Variants in OR1D2 observed in about 807,000 individuals in gnomAD.
OR1D2 encodes the protein olfactory receptor family 1 subfamily D member 2, also known as olfactory receptor 1D2.
For synonymous variants in OR1D2, 157 were observed against 153.9 expected (o/e 1.02, Z -0.15); for missense variants, 357 against 376.1 (o/e 0.95, Z 0.42).
At chr17:3,101,542 G>A (rs1263840316) in intron 1 of OR1D2, among the ~76,000 whole-genome samples, 1 of 152,090 alleles carries the variant, frequency 6.6e-6, no homozygotes, top group East Asian at 1.9e-4. Context: ...AGCTATTTAT[G>A]ACAAACCCAC....
In OR1D2 at chr17:3,090,787, TACTG is replaced by T. The variant is rs1219378440; in HGVS notation, c.*1267_*1270del. The T allele has an allele frequency of 6.6e-6, 1 of 151,944 alleles. No homozygotes were observed. Among genetic ancestry groups the T allele is most frequent in the Non-Finnish European group, 1.5e-5 (1 of 68,036 alleles). The allele number at this position is 151,944 out of a possible 1,614,324, so 9.4% of individuals were successfully genotyped here. A position where few individuals can be genotyped will look rare whatever the true frequency, so the allele number is the denominator to read the frequency against. Reference sequence around the variant, plus strand: ...AAGGCCCCAGTTGTTAAAATACACATACTGACTATTAAGAGCTCCCAACCATTTT... The same window carrying T: ...AAGGCCCCAGTTGTTAAAATACACATACTATTAAGAGCTCCCAACCATTTT... On this transcript the variant is annotated 3_prime_UTR_variant, in exon 2 of 2. Coordinates refer to ENST00000641833, the MANE Select transcript of OR1D2 (RefSeq NM_002548.3).
At chr17:3,098,589 C>T (rs1242418205) in intron 1 of OR1D2, among the ~76,000 whole-genome samples, 1 of 152,132 alleles carries the variant, frequency 6.6e-6, no homozygotes. Context: ...ACAACAAATG[C>T]TGAAAACACA....
chr17:3,103,534 G>A (rs1469244301), intron 1 of OR1D2, among the ~76,000 whole-genome samples: 1 of 152,190 alleles, frequency 6.6e-6, no homozygotes, highest in Non-Finnish European at 1.5e-5. Flanking sequence ...AAGTCCTGAA[G>A]TCTCTCTTGA....
intron 1 of OR1D2, among the ~76,000 whole-genome samples, chr17:3,099,947 T>C (rs2047867355): frequency 1.3e-5 from 2 of 152,144 alleles, no homozygotes; most frequent in Admixed American, 6.5e-5. Context: ...CATTACATAA[T>C]GGTATAGAGA....
In OR1D2 at chr17:3,092,506, G is replaced by T. The variant is rs757500317; in HGVS notation, c.491C>A (p.Thr164Asn). Reference sequence around the variant, plus strand: ...TCGTGACCCACAGAAGGTCACTCTGGTCATGAGGAGGGTGTGTATGAGGCC... The same window carrying T: ...TCGTGACCCACAGAAGGTCACTCTGTTCATGAGGAGGGTGTGTATGAGGCC... Reference protein sequence around the residue: ...LYGLIHTLLMTRVTFCGSRKI... With the variant: ...LYGLIHTLLMNRVTFCGSRKI... Residue 164 changes from threonine (T) to asparagine (N), a missense_variant, in exon 2 of 2, where the codon ACC becomes AAC. Physicochemically the swap from Thr to Asn is moderately conservative, Grantham distance 65. Transcript: ENST00000641833. 2.5e-6 allele frequency: 4 copies of T among 1,614,134 alleles called. No homozygotes were observed. The Middle Eastern group carries it at 5.0e-4, about 200-fold the overall frequency.
At chr17:3,099,385 GA>G (rs777051603) in intron 1 of OR1D2, among the ~76,000 whole-genome samples, 6 of 152,028 alleles carry the variant, frequency 3.9e-5, no homozygotes, top group Non-Finnish European at 7.4e-5. Context: ...CATTCTGAAA[GA>G]AAAAAATTTT....
chr17:3,091,461 T>G lies in OR1D2; in HGVS notation c.*597A>C, dbSNP rs562968110. 2 of 152,664 alleles carry G rather than the reference T, an allele frequency of 1.3e-5. No homozygotes were observed. The highest frequency in any genetic ancestry group is 2.1e-4 in the South Asian group (1 of 4,822). The allele number at this position is 152,664 out of a possible 1,614,324, so 9.5% of individuals were successfully genotyped here. The stretch of plus-strand genomic sequence containing the variant: ...TTTTTAATTGATGAGTTAGGTCCAT[T>G]TATGTTTAATGTAAATTTATGTACT... On this transcript the variant is annotated 3_prime_UTR_variant, in exon 2 of 2. Coordinates refer to ENST00000641833, the MANE Select transcript of OR1D2 (RefSeq NM_002548.3).
Position 3,092,477 on chromosome 17 carries a change from T to A in OR1D2, c.520A>T (p.Ile174Phe). 6.2e-7 allele frequency: 1 copy of A among 1,614,066 alleles called. No homozygotes were observed. Among genetic ancestry groups the A allele is most frequent in the Non-Finnish European group, 8.5e-7 (1 of 1,180,018 alleles). ...TRVTFCGSRK[I>F]HYIFCEMYVL... is the part of the protein sequence containing the mutation. ...TACATCTCACAGAAGATGTAGTGGA[T>A]TTTTCGTGACCCACAGAAGGTCACT... is the stretch of plus-strand genomic sequence containing the variant. The change falls in exon 2 of 2, where the codon ATC becomes TTC. Residue 174 changes from isoleucine (I) to phenylalanine (F), a missense_variant. Physicochemically the swap from Ile to Phe is conservative, Grantham distance 21 (BLOSUM62 0). Transcript: ENST00000641833.
chr17:3,095,247 T>C (rs1367402652), intron 1 of OR1D2, among the ~76,000 whole-genome samples: 1 of 151,586 alleles, frequency 6.6e-6, no homozygotes, highest in Non-Finnish European at 1.5e-5. Flanking sequence ...AAGGAGAAAA[T>C]CTTGAAATCA....
Position 3,092,277 on chromosome 17 carries a change from G to C in OR1D2, c.720C>G (p.Thr240=). ...AGACTGCACCCAAATGGGAGGCACA[G>C]GTGGAGAAGGCTTTGTATTTCTTAG... The part of the protein sequence containing the change: ...SVSKKYKAFS[T]CASHLGAVSL... Residue 240 remains threonine, a synonymous_variant, in exon 2 of 2, where the codon ACC becomes ACG. Transcript: ENST00000641833. 2 of 1,614,196 alleles carry C rather than the reference G, an allele frequency of 1.2e-6. No homozygotes were observed. Among genetic ancestry groups the C allele is most frequent in the Non-Finnish European group, 1.7e-6 (2 of 1,180,018 alleles).
rs987718794 is a variant in OR1D2, at chr17:3,091,294, T to G, written c.*764A>C. 3 of 152,244 alleles carry G rather than the reference T, an allele frequency of 2.0e-5. No individual in the cohort carries two copies. The highest frequency in any genetic ancestry group is 7.2e-5 in the African/African-American group (3 of 41,464). The allele number at this position is 152,244 out of a possible 1,614,324, so 9.4% of individuals were successfully genotyped here. On this transcript the variant is annotated 3_prime_UTR_variant, in exon 2 of 2. Coordinates refer to ENST00000641833, the MANE Select transcript of OR1D2 (RefSeq NM_002548.3). ...TTTACCTGATGTCATTGCAGCAATA[T>G]TTCACTTAAAATATTTAGTATTTTC...
intron 1 of OR1D2, among the ~76,000 whole-genome samples, chr17:3,102,430 C>A (rs947214399): frequency 2.2e-4 from 33 of 152,282 alleles, no homozygotes; most frequent in African/African-American, 7.7e-4. Flanking sequence ...ATTTTTTGAA[C>A]AAACTGCGAT....
At chr17:3,100,559 C>T (rs982593362) in intron 1 of OR1D2, among the ~76,000 whole-genome samples, 10 of 152,196 alleles carry the variant, frequency 6.6e-5, no homozygotes, top group African/African-American at 2.2e-4. Context: ...ACTAAATGCC[C>T]ACATCAGAAA....
Position 3,093,010 on chromosome 17 carries a change from T to C in OR1D2, c.-14A>G, listed in dbSNP as rs778713834. 2 of 1,610,334 alleles carry C rather than the reference T, an allele frequency of 1.2e-6. No homozygotes were observed. The highest frequency in any genetic ancestry group is 4.5e-5 in the East Asian group (2 of 44,868). ...GCCTCCATCCATTTCCCCAACTCTCTTTTAACATTAACACCAGCAAATGTT... is the reference window on the plus strand; with the variant it reads ...GCCTCCATCCATTTCCCCAACTCTCCTTTAACATTAACACCAGCAAATGTT... On this transcript the variant is annotated 5_prime_UTR_variant, in exon 2 of 2. Coordinates refer to ENST00000641833, the MANE Select transcript of OR1D2 (RefSeq NM_002548.3).
In OR1D2 at chr17:3,091,018, G is replaced by T. The variant is rs2047804078; in HGVS notation, c.*1040C>A. 1 of 152,140 alleles carries T rather than the reference G, an allele frequency of 6.6e-6. No homozygotes were observed. 9.4% of individuals were successfully genotyped at this position (152,140 alleles called of 1,614,324 possible). A position where few individuals can be genotyped will look rare whatever the true frequency, so the allele number is the denominator to read the frequency against. ...AGGGGATCTCTCTTTGTGCTACTCT[G>T]TGCTGGCTTGGGTGAGGGGTGATTC... On this transcript the variant is annotated 3_prime_UTR_variant, in exon 2 of 2. Transcript: ENST00000641833.
intron 1 of OR1D2, among the ~76,000 whole-genome samples, chr17:3,099,117 C>T (rs2047862870): frequency 6.6e-6 from 1 of 150,422 alleles, no homozygotes; most frequent in Non-Finnish European, 1.5e-5. Flanking sequence ...AGGATATTAT[C>T]CAGGAGAACT....
Position 3,091,935 on chromosome 17 carries a change from T to G in OR1D2, c.*123A>C. 1 of 744,374 alleles carries G rather than the reference T, an allele frequency of 1.3e-6. No homozygotes were observed. The allele number at this position is 744,374 out of a possible 1,614,324, so 46.1% of individuals were successfully genotyped here. ...TATGTCTTTTTTATCACCACATATC[T>G]ATATGCTGTCTCTGAGCTGGAGCCA... On this transcript the variant is annotated 3_prime_UTR_variant, in exon 2 of 2. Transcript: ENST00000641833.
At position 3,091,823 on chromosome 17, in the gene OR1D2, T is replaced by C; in HGVS notation, c.*235A>G. On this transcript the variant is annotated 3_prime_UTR_variant, in exon 2 of 2. Transcript: ENST00000641833. ...CCTGTAGTCAAGTACATTGAAGAAT[T>C]TGACCCTGCAACATTCTAGTGTTGG... 1 of 442,382 alleles carries C rather than the reference T, an allele frequency of 2.3e-6. No individual in the cohort carries two copies. Among genetic ancestry groups the C allele is most frequent in the Non-Finnish European group, 4.1e-6 (1 of 246,692 alleles). 27.4% of individuals were successfully genotyped at this position (442,382 alleles called of 1,614,324 possible). A position where few individuals can be genotyped will look rare whatever the true frequency, so the allele number is the denominator to read the frequency against.
At chr17:3,100,429 A>C (rs2047869460) in intron 1 of OR1D2, among the ~76,000 whole-genome samples, 1 of 152,196 alleles carries the variant, frequency 6.6e-6, no homozygotes, top group African/African-American at 2.4e-5. Flanking sequence ...ATAACTTCTC[A>C]GTAAATAATG....
Sources: gnomAD v4.1 joint callset for allele counts (sites outside exome capture counted in the v4.1 genomes callset) on GRCh38, gnomAD v4.1.1 for gene constraint, MANE v1.5 for transcripts, NCBI Gene and HGNC (gene_info 2026-07-23, HGNC 2026-07-21) for gene names.